The following HMGCLL1 variants were observed in gnomAD, a reference collection of about 807,000 sequenced individuals.
HMGCLL1 encodes the protein 3-hydroxy-3-methylglutaryl-CoA lyase like 1.
Under a neutral mutation model 39.1 loss-of-function variants are expected in HMGCLL1, and 36 were observed. The ratio of observed to expected loss-of-function variants is 0.92; its 90% CI spans 0.71 to 1.22. The LOEUF (loss-of-function observed/expected upper bound fraction) is 1.22. Among genes scored for constraint, HMGCLL1 ranks in the 50% most tolerant of loss-of-function variants. The pLI, the probability that HMGCLL1 is intolerant of heterozygous loss-of-function variation, is 0.00. For missense variants in HMGCLL1, 451 were observed against 416.5 expected, an observed-to-expected ratio of 1.08 and a Z score of -0.72; for synonymous variants, 149 against 144.0, an observed-to-expected ratio of 1.03 and a Z score of -0.25.
At chr6:55,526,300 C>A (rs1359162007) in intron 3 of HMGCLL1, among the ~76,000 whole-genome samples, 1 of 151,868 alleles carries the variant, frequency 6.6e-6, no homozygotes, top group Non-Finnish European at 1.5e-5. Context: ...CCTTTTTTAT[C>A]TAGTTAATTG....
intron 1 of HMGCLL1, among the ~76,000 whole-genome samples, chr6:55,572,388 C>A: frequency 6.6e-6 from 1 of 152,058 alleles, no homozygotes; most frequent in East Asian, 1.9e-4. Context: ...ATTCATCTAT[C>A]AAAATTTTAT....
In HMGCLL1 at chr6:55,556,050, G is replaced by A. The variant is rs1221434979; in HGVS notation, c.109-13910C>T. Among the ~76,000 whole-genome samples, 3 of 152,102 alleles carry A rather than the reference G, an allele frequency of 2.0e-5. No individual in the cohort carries two copies. The East Asian group carries it at 5.8e-4, about 29-fold the overall frequency. ...TCCCTAAACTGGAAGGAGAAAAGTTGCAATAATTGTTAGCAGCATCAACTT... is the reference window on the plus strand; with the variant it reads ...TCCCTAAACTGGAAGGAGAAAAGTTACAATAATTGTTAGCAGCATCAACTT... On this transcript the variant is annotated intron_variant, in intron 1 of 8. Coordinates refer to ENST00000274901, the MANE Select transcript of HMGCLL1 (RefSeq NM_001042406.2).
chr6:55,479,828 A>G (rs1022849263), intron 7 of HMGCLL1, among the ~76,000 whole-genome samples: 1 of 151,720 alleles, frequency 6.6e-6, no homozygotes, highest in Admixed American at 6.6e-5. Context: ...ATAAAGTCCA[A>G]TACCCACTAA....
intron 1 of HMGCLL1, among the ~76,000 whole-genome samples, chr6:55,545,037 C>A (rs551229054): frequency 1.8e-4 from 27 of 152,002 alleles, no homozygotes; most frequent in Admixed American, 1.8e-3. Flanking sequence ...GCTCACTCTT[C>A]TTTCTTATTA....
chr6:55,436,691 T>A (rs1334424319), intron 8 of HMGCLL1, among the ~76,000 whole-genome samples: 1 of 152,046 alleles, frequency 6.6e-6, no homozygotes, highest in Admixed American at 6.6e-5. Context: ...TGAAAACTTG[T>A]CACTTTCATA....
chr6:55,610,072 A>G, the HMGCLL1 span, among the ~76,000 whole-genome samples: 1 of 152,226 alleles, frequency 6.6e-6, no homozygotes, highest in Non-Finnish European at 1.5e-5. Flanking sequence ...CATGAAGATG[A>G]GAAATAATCA....
At chr6:55,550,857 C>G (rs909989141) in intron 1 of HMGCLL1, among the ~76,000 whole-genome samples, 1 of 151,594 alleles carries the variant, frequency 6.6e-6, no homozygotes, top group Non-Finnish European at 1.5e-5. Flanking sequence ...AAAAATCTTA[C>G]AATGCACAAG....
At chr6:55,580,384 AT>A (rs1298243590), upstream of HMGCLL1, among the ~76,000 whole-genome samples, 380 of 91,024 alleles carry the variant, frequency 4.2e-3, no homozygotes, top group Non-Finnish European at 7.2e-3. Flanking sequence ...TTAACCAAGG[AT>A]TTTTTTTTTC....
upstream of HMGCLL1, among the ~76,000 whole-genome samples, chr6:55,582,842 T>C (rs1029598190): frequency 6.6e-6 from 1 of 152,142 alleles, no homozygotes; most frequent in African/African-American, 2.4e-5. Context: ...CATGATGCTA[T>C]TGGCTGTACG....
At chr6:55,487,603 A>G (rs927014140) in intron 7 of HMGCLL1, among the ~76,000 whole-genome samples, 1 of 152,024 alleles carries the variant, frequency 6.6e-6, no homozygotes, top group African/African-American at 2.4e-5. Context: ...AGCTTCATCC[A>G]TGTCCCTGCA....
chr6:55,662,855 T>C, the HMGCLL1 span, among the ~76,000 whole-genome samples: 3 of 151,676 alleles, frequency 2.0e-5, no homozygotes, highest in Non-Finnish European at 4.4e-5. Flanking sequence ...TTATTACTGA[T>C]TAAATTTCAG....
the HMGCLL1 span, among the ~76,000 whole-genome samples, chr6:55,607,041 T>C: frequency 1.3e-5 from 2 of 152,198 alleles, no homozygotes; most frequent in African/African-American, 4.8e-5. Flanking sequence ...ATTAAGTTTT[T>C]GTTAATTAGT....
intron 4 of HMGCLL1, among the ~76,000 whole-genome samples, chr6:55,515,640 G>A (rs1241853352): frequency 6.6e-6 from 1 of 152,050 alleles, no homozygotes; most frequent in Non-Finnish European, 1.5e-5. Context: ...GTTAACATGA[G>A]AGTGTCCTTT....
chr6:55,521,835 T>G (rs1394052769), intron 3 of HMGCLL1, among the ~76,000 whole-genome samples: 1 of 151,984 alleles, frequency 6.6e-6, no homozygotes, highest in African/African-American at 2.4e-5. Flanking sequence ...TCACTTTAAA[T>G]CAAAAGCTAA....
At chr6:55,477,230 ATATATTATATT>A (rs1219826690) in intron 7 of HMGCLL1, among the ~76,000 whole-genome samples, 1 of 21,542 alleles carries the variant, frequency 4.6e-5, no homozygotes, top group African/African-American at 2.4e-4. Context: ...AATATATAAT[ATATATTATATT>A]TATATAATAT....
chr6:55,666,258 C>T, the HMGCLL1 span, among the ~76,000 whole-genome samples: 1 of 151,700 alleles, frequency 6.6e-6, no homozygotes, highest in Non-Finnish European at 1.5e-5. Context: ...ACAGCATTAA[C>T]TAAACAGGAC....
At chr6:55,632,564 A>G in the HMGCLL1 span, among the ~76,000 whole-genome samples, 1 of 151,870 alleles carries the variant, frequency 6.6e-6, no homozygotes, top group Non-Finnish European at 1.5e-5. Context: ...ACTTACTAGA[A>G]CAGATCTGTT....
chr6:55,576,161 T>C (rs1046581425), intron 1 of HMGCLL1, among the ~76,000 whole-genome samples: 8 of 152,212 alleles, frequency 5.3e-5, no homozygotes, highest in Non-Finnish European at 8.8e-5. Flanking sequence ...AATAGGTTAC[T>C]ATGCAATAGA....
intron 5 of HMGCLL1, among the ~76,000 whole-genome samples, chr6:55,500,960 A>C (rs906843261): frequency 1.8e-4 from 27 of 151,992 alleles, no homozygotes; most frequent in African/African-American, 6.3e-4. Flanking sequence ...ACATAAATGC[A>C]AAACAAAACA....
Sources: gnomAD v4.1 joint callset for allele counts (sites outside exome capture counted in the v4.1 genomes callset) on GRCh38, gnomAD v4.1.1 for gene constraint, MANE v1.5 for transcripts, NCBI Gene and HGNC (gene_info 2026-07-23, HGNC 2026-07-21) for gene names.